TMEM94: variants seen among roughly 807,000 people sequenced by gnomAD.
TMEM94 encodes ER Mg2+ ATPase.
Under a neutral mutation model 158.6 loss-of-function variants are expected in TMEM94, and 81 were observed. The observed-to-expected ratio is 0.51, with a 90% CI of 0.43 to 0.61. TMEM94 has a LOEUF of 0.61. Among genes scored for constraint, TMEM94 ranks in the 20% least tolerant of loss-of-function variants. TMEM94 has a pLI of 0.00. For missense variants in TMEM94, 1,435 were observed against 1,762.0 expected, an observed-to-expected ratio of 0.81 and a Z score of 3.32; for synonymous variants, 751 against 730.7, an observed-to-expected ratio of 1.03 and a Z score of -0.45.
At chr17:75,467,057 C>T (rs1343371195) in intron 1 of TMEM94, among the ~76,000 whole-genome samples, 2 of 150,552 alleles carry the variant, frequency 1.3e-5, no homozygotes, top group Non-Finnish European at 3.0e-5. Flanking sequence ...TCACTGCAAC[C>T]TCTGCCTCCC....
Position 75,490,728 on chromosome 17 carries a change from C to T in TMEM94, c.1098C>T (p.Leu366=), listed in dbSNP as rs1218654346. 5.6e-6 allele frequency: 9 copies of T among 1,614,166 alleles called. No homozygotes were observed. Among genetic ancestry groups the T allele is most frequent in the Non-Finnish European group, 6.8e-6 (8 of 1,180,000 alleles). ...TGGCTAAGTTCTCAGAGGATACTCT[C>T]AGCAGCTATACGGAGGCTGTCTCCT... is the stretch of plus-strand genomic sequence containing the variant. ...SLLAKFSEDT[L]SSYTEAVSSQ... Residue 366 remains leucine (L), a synonymous_variant, in exon 11 of 32, where the codon CTC becomes CTT. Coordinates refer to ENST00000314256, the MANE Select transcript of TMEM94 (RefSeq NM_014738.6).
At position 75,491,086 on chromosome 17, in the gene TMEM94, T is replaced by G. The variant is rs567456297; in HGVS notation, c.1166T>G (p.Val389Gly). ...TGCATTTGGGGCCACTTCCTGAGGG[T>G]GCTCGGGGGGACATCGCCAACGCTG... ...LRCIWGHFLR[V>G]LGGTSPTLSH... The change falls in exon 12 of 32, where the codon GTG becomes GGG. Residue 389 changes from valine to glycine, a missense_variant. Coordinates refer to ENST00000314256, the MANE Select transcript of TMEM94 (RefSeq NM_014738.6). The surrounding 1 kb of genome is among the most constrained non-coding windows in gnomAD (Gnocchi z 5.1). The G allele has an allele frequency of 2.5e-6, 4 of 1,613,346 alleles. No homozygotes were observed. In the South Asian group the frequency reaches 3.3e-5, roughly 13 times the overall value.
In TMEM94 at chr17:75,491,530, G is replaced by A. The variant is rs2052185767; in HGVS notation, c.1386+75G>A. ...CTGTTTAGCCTTGGAGCCTGGCCAG[G>A]GAGGGTGAGGTTTCGGAGGGCGAAG... On this transcript the variant is annotated intron_variant, in intron 13 of 31. Coordinates refer to ENST00000314256, the MANE Select transcript of TMEM94 (RefSeq NM_014738.6). This position sits in a 1 kb window ranked among gnomAD's most constrained non-coding sequence, Gnocchi z 5.1. 3 of 1,606,524 alleles carry A rather than the reference G, an allele frequency of 1.9e-6. No homozygotes were observed. The highest frequency in any genetic ancestry group is 2.6e-6 in the Non-Finnish European group (3 of 1,174,638).
At chr17:75,496,548 G>A in intron 24 of TMEM94, 77 bp downstream of exon 24, 2 of 1,524,684 alleles carry the variant, frequency 1.3e-6, no homozygotes, top group Admixed American at 1.7e-5. Flanking sequence ...CAAAGGACCT[G>A]TTTGAACCCG....
In TMEM94 at chr17:75,494,586, G is replaced by T. The variant is rs771656840; in HGVS notation, c.2408-41G>T. The T allele has an allele frequency of 3.7e-6, 6 of 1,602,756 alleles. No individual in the cohort carries two copies. In the Admixed American group the frequency reaches 1.0e-4, roughly 27 times the overall value. ...GTGTGTGGCCCTGGGCTGGTTCCTG[G>T]GTGTCCTGATCGGGCTGTGTCCTGT... On this transcript the variant is annotated intron_variant, in intron 18 of 31. Transcript: ENST00000314256.
intron 18 of TMEM94, among the ~76,000 whole-genome samples, chr17:75,494,128 C>T (rs936002398): frequency 6.6e-6 from 1 of 152,192 alleles, no homozygotes; most frequent in African/African-American, 2.4e-5. Flanking sequence ...GCTCACTTGG[C>T]CTGCCTCACT....
Position 75,489,311 on chromosome 17 carries a change from C to T in TMEM94, c.810C>T (p.Asp270=), listed in dbSNP as rs1357825501. Reference sequence around the variant, plus strand: ...TGTCCCGACCAGTCACTGCCCTGGACAATGAGCGGTTCACAGTGCAGTCGG... The same window carrying T: ...TGTCCCGACCAGTCACTGCCCTGGATAATGAGCGGTTCACAGTGCAGTCGG... The part of the protein sequence containing the change: ...MALSRPVTAL[D]NERFTVQSVM... The change falls in exon 8 of 32, where the codon GAC becomes GAT. Residue 270 remains aspartate (D), a synonymous_variant. Coordinates refer to ENST00000314256, the MANE Select transcript of TMEM94 (RefSeq NM_014738.6). The surrounding 1 kb of genome is among the most constrained non-coding windows in gnomAD (Gnocchi z 5.0). 1 of 1,614,232 alleles carries T rather than the reference C, an allele frequency of 6.2e-7. No individual in the cohort carries two copies. The highest frequency in any genetic ancestry group is 2.2e-5 in the East Asian group (1 of 44,884).
At chr17:75,462,000 TGTTTTG>T (rs2050089630) in intron 1 of TMEM94, among the ~76,000 whole-genome samples, 1 of 78,818 alleles carries the variant, frequency 1.3e-5, no homozygotes, top group Non-Finnish European at 3.0e-5. Context: ...TTTTTTGTTT[TGTTTTG>T]TTTTGTTTTT....
At chr17:75,474,589 C>T (rs1034777984) in intron 2 of TMEM94, among the ~76,000 whole-genome samples, 9 of 151,982 alleles carry the variant, frequency 5.9e-5, no homozygotes, top group East Asian at 1.9e-4. Flanking sequence ...TGCAGTTAGC[C>T]GAGATTGAGG....
intron 2 of TMEM94, chr17:75,476,700 A>G: frequency 1.3e-6 from 2 of 1,535,700 alleles, no homozygotes; most frequent in East Asian, 2.4e-5. Flanking sequence ...ATGCTCTTTA[A>G]GCAGGCAGAG....
In TMEM94 at chr17:75,491,985, C is replaced by G. The variant is rs980861692; in HGVS notation, c.1596+85C>G. 1 of 1,358,432 alleles carries G rather than the reference C, an allele frequency of 7.4e-7. No homozygotes were observed. The highest frequency in any genetic ancestry group is 1.4e-5 in the African/African-American group (1 of 69,076). 84.1% of individuals were successfully genotyped at this position (1,358,432 alleles called of 1,614,324 possible). On this transcript the variant is annotated intron_variant, in intron 14 of 31. Transcript: ENST00000314256. This position sits in a 1 kb window ranked among gnomAD's most constrained non-coding sequence, Gnocchi z 5.1. ...CCTGGCCAGCCTGGCCTCACAAGGT[C>G]TGAAAGAGCAGGCGTCTCTGCCCTC...
chr17:75,490,198 G>A, intron 9 of TMEM94, 36 bp from the exon 10 acceptor site: 1 of 1,612,730 alleles, frequency 6.2e-7, no homozygotes, highest in Non-Finnish European at 8.5e-7. Context: ...CAGGCCCGGA[G>A]CTCAGGAGCC....
intron 2 of TMEM94, chr17:75,476,487 A>G: frequency 7.2e-7 from 1 of 1,382,376 alleles, no homozygotes; most frequent in Non-Finnish European, 9.3e-7. Flanking sequence ...CAGCGTGACT[A>G]GAAATAGGCT....
chr17:75,474,623 G>A (rs1189590955), intron 2 of TMEM94, among the ~76,000 whole-genome samples: 3 of 152,164 alleles, frequency 2.0e-5, no homozygotes, highest in Admixed American at 2.0e-4. Flanking sequence ...CTCCAGCCTG[G>A]GGGACAGAGC....
chr17:75,471,549 T>C (rs2050503058), intron 1 of TMEM94, among the ~76,000 whole-genome samples: 2 of 152,060 alleles, frequency 1.3e-5, no homozygotes, highest in Admixed American at 1.3e-4. Context: ...GGCAAAACCC[T>C]GTCTCTACTG....
chr17:75,498,821 CTGTA>C lies in TMEM94; in HGVS notation c.3828-90_3828-87del. On this transcript the variant is annotated intron_variant, in intron 30 of 31. Transcript: ENST00000314256. This position sits in a 1 kb window ranked among gnomAD's most constrained non-coding sequence, Gnocchi z 6.7. Reference sequence around the variant, plus strand: ...GGCGGGACCGGGGCCAGTGGTTTAACTGTACCCTGCCTGAGCTAACTGTTGTACT... The same window carrying C: ...GGCGGGACCGGGGCCAGTGGTTTAACCCCTGCCTGAGCTAACTGTTGTACT... 1 of 1,524,000 alleles carries C rather than the reference CTGTA, an allele frequency of 6.6e-7. No homozygotes were observed. Among genetic ancestry groups the C allele is most frequent in the Non-Finnish European group, 8.8e-7 (1 of 1,134,788 alleles). 94.4% of individuals were successfully genotyped at this position (1,524,000 alleles called of 1,614,324 possible). A position where few individuals can be genotyped will look rare whatever the true frequency, so the allele number is the denominator to read the frequency against.
Position 75,496,077 on chromosome 17 carries a change from C to G in TMEM94, c.3053+3C>G, listed in dbSNP as rs373299881. ...CTCTTCCTCCAGAGCGACATCAGGT[C>G]AGGGCGGGACCCTGGAGCCTGCGGG... is the stretch of plus-strand genomic sequence containing the variant. On this transcript the variant is annotated splice_donor_region_variant and intron_variant, in intron 23 of 31. Coordinates refer to ENST00000314256, the MANE Select transcript of TMEM94 (RefSeq NM_014738.6). The G allele has an allele frequency of 1.7e-4, 272 of 1,605,820 alleles. 1 individual carries two copies. Among genetic ancestry groups the G allele is most frequent in the Non-Finnish European group, 2.1e-4 (251 of 1,176,292 alleles).
intron 18 of TMEM94, 52 bp downstream of exon 18, chr17:75,493,968 C>T: frequency 4.5e-6 from 7 of 1,555,734 alleles, no homozygotes; most frequent in Non-Finnish European, 6.1e-6. Flanking sequence ...CCCTGGGCTG[C>T]CGAAGCCCAG....
intron 2 of TMEM94, among the ~76,000 whole-genome samples, chr17:75,481,475 G>C (rs1448360552): frequency 6.6e-6 from 1 of 152,226 alleles, no homozygotes; most frequent in Non-Finnish European, 1.5e-5. Flanking sequence ...CTCCACTTGA[G>C]TGCCTCCTGT....
Sources: allele counts gnomAD v4.1 joint callset (sites outside exome capture counted in the v4.1 genomes callset), GRCh38; gene constraint gnomAD v4.1.1; non-coding constraint Gnocchi (gnomAD v3.1); transcripts MANE v1.5; gene names NCBI Gene and HGNC (gene_info 2026-07-23, HGNC 2026-07-21).